Variants in LMLN observed in about 807,000 individuals in gnomAD.
LMLN encodes leishmanolysin-like peptidase.
Under a neutral mutation model 92.3 loss-of-function variants are expected in LMLN, and 70 were observed. The observed-to-expected ratio is 0.76, with a 90% CI of 0.63 to 0.92. The LOEUF is 0.92. Among genes scored for constraint, LMLN ranks in the 40% least tolerant of loss-of-function variants. The pLI, the probability that LMLN is intolerant of heterozygous loss-of-function variation, is 0.00. For synonymous variants in LMLN, 308 were observed against 296.2 expected (o/e 1.04, Z -0.41); for missense variants, 691 against 814.6 (o/e 0.85, Z 1.85).
chr3:197,976,111 G>A, exon 4 of LMLN: 2 of 1,584,248 alleles, frequency 1.3e-6, no homozygotes, highest in Non-Finnish European at 1.7e-6. Context: ...TTACTTAGCA[G>A]GTATGTCACA....
intron 11 of LMLN, among the ~76,000 whole-genome samples, chr3:198,007,360 T>G (rs1200574109): frequency 6.6e-6 from 1 of 152,230 alleles, no homozygotes; most frequent in Non-Finnish European, 1.5e-5. Context: ...TTGTATAAGG[T>G]GGGAGACTTA....
intron 11 of LMLN, among the ~76,000 whole-genome samples, chr3:198,011,959 T>G (rs1722454924): frequency 6.6e-6 from 1 of 152,092 alleles, no homozygotes; most frequent in Admixed American, 6.6e-5. Flanking sequence ...TGGGAGAAAA[T>G]TTTTGCAATC....
intron 6 of LMLN, among the ~76,000 whole-genome samples, chr3:197,981,590 T>G (rs1721558926): frequency 6.6e-6 from 1 of 152,220 alleles, no homozygotes; most frequent in South Asian, 2.1e-4. Context: ...TTCTCTTCAT[T>G]TACAAAAGAT....
At chr3:198,026,657 G>T (rs1253369983) in intron 14 of LMLN, among the ~76,000 whole-genome samples, 1 of 152,110 alleles carries the variant, frequency 6.6e-6, no homozygotes, top group Non-Finnish European at 1.5e-5. Flanking sequence ...TTTGTTCTTT[G>T]TCTACCCCTG....
At chr3:197,991,107 CTTTCTTTT>C (rs1307472291) in intron 9 of LMLN, among the ~76,000 whole-genome samples, 1 of 138,246 alleles carries the variant, frequency 7.2e-6, no homozygotes, top group African/African-American at 3.1e-5. Flanking sequence ...TATTTTCTTT[CTTTCTTTT>C]TTTTTTTTTT....
chr3:197,987,756 A>AT (rs893157215), intron 8 of LMLN, among the ~76,000 whole-genome samples: 2 of 152,062 alleles, frequency 1.3e-5, no homozygotes, highest in Admixed American at 6.6e-5. Flanking sequence ...GCCATGTTAC[A>AT]TTTTTTTTAA....
chr3:198,013,284 C>T (rs1560149848), intron 11 of LMLN, among the ~76,000 whole-genome samples: 9 of 93,286 alleles, frequency 9.6e-5, no homozygotes, highest in South Asian at 3.5e-4. Context: ...CTGTACCCTT[C>T]AGAGCCCCCT....
chr3:198,001,192 A>T (rs755469953), intron 11 of LMLN, among the ~76,000 whole-genome samples: 2 of 152,020 alleles, frequency 1.3e-5, no homozygotes, highest in Non-Finnish European at 2.9e-5. Context: ...CACACTTCAA[A>T]TGTTTTGTTT....
At chr3:197,987,460 A>T (rs375510964) in intron 8 of LMLN, among the ~76,000 whole-genome samples, 1 of 152,196 alleles carries the variant, frequency 6.6e-6, no homozygotes, top group Non-Finnish European at 1.5e-5. Flanking sequence ...CGCCCGGCCA[A>T]AATTTTTACA....
In LMLN at chr3:198,030,661, C is replaced by G. The variant is rs1407777812; in HGVS notation, c.1657-5172C>G. Among the ~76,000 whole-genome samples the G allele has an allele frequency of 2.6e-5, 4 of 152,196 alleles. No individual in the cohort carries two copies. The East Asian group carries it at 7.7e-4, about 29-fold the overall frequency. ...TCTTGGGATCTCGAGTCAGGATCAT[C>G]CTGGAGGTCCCTCTGGTCCCTCTGT... On this transcript the variant is annotated intron_variant, in intron 14 of 15. Coordinates refer to ENST00000330198, the Ensembl canonical transcript of LMLN.
chr3:198,020,882 C>T (rs1482554335), intron 12 of LMLN, among the ~76,000 whole-genome samples: 5 of 146,990 alleles, frequency 3.4e-5, no homozygotes, highest in Admixed American at 7.0e-5. Context: ...CTCAGCCTCC[C>T]AAAGTGCTGG....
chr3:198,016,950 C>T (rs1232303555), intron 11 of LMLN, among the ~76,000 whole-genome samples: 2 of 152,136 alleles, frequency 1.3e-5, no homozygotes, highest in Non-Finnish European at 2.9e-5. Context: ...ATGTTCCTGT[C>T]ATCTTCCCCA....
chr3:198,015,118 G>T (rs144012068), intron 11 of LMLN, among the ~76,000 whole-genome samples: 6,149 of 138,732 alleles, frequency 0.044, 316 homozygotes, highest in African/African-American at 0.076. Context: ...TAACTAGTCT[G>T]ACTTCTCTGT....
chr3:197,988,111 A>C (rs1054277074), intron 8 of LMLN, among the ~76,000 whole-genome samples: 1 of 151,712 alleles, frequency 6.6e-6, no homozygotes, highest in African/African-American at 2.4e-5. Flanking sequence ...TGCTTTTGCC[A>C]TGTATAGAAA....
rs372307316 is a variant in LMLN at position 198,001,673 on chromosome 3, T to A, written c.1232+2331T>A. On this transcript the variant is annotated intron_variant, in intron 11 of 15. Transcript: ENST00000330198. ...TTGGAGCACCGCGACTCCTTCAGTT[T>A]CTGTCTGAGTGAGAGTTTTGTTCGT... is the stretch of plus-strand genomic sequence containing the variant. Among the ~76,000 whole-genome samples, 12 of 152,332 alleles carry A rather than the reference T, an allele frequency of 7.9e-5. No individual in the cohort carries two copies. In the East Asian group the frequency reaches 1.5e-3, roughly 20 times the overall value.
chr3:198,019,488 C>T lies in LMLN; in HGVS notation c.1365+103C>T, dbSNP rs1305732423. ...TCTTAAGATTCTTAATTTATAAGGCCTTGTTTGTTTTCTGTAAGTTAGAAA... is the reference window on the plus strand; with the variant it reads ...TCTTAAGATTCTTAATTTATAAGGCTTTGTTTGTTTTCTGTAAGTTAGAAA... On this transcript the variant is annotated intron_variant, in intron 12 of 15. Coordinates refer to ENST00000330198, the Ensembl canonical transcript of LMLN. This position sits in a 1 kb window ranked among gnomAD's most constrained non-coding sequence, Gnocchi z 5.5. 8.4e-7 allele frequency: 1 copy of T among 1,184,732 alleles called. No individual in the cohort carries two copies. Among genetic ancestry groups the T allele is most frequent in the East Asian group, 2.5e-5 (1 of 39,416 alleles). 73.4% of individuals were successfully genotyped at this position (1,184,732 alleles called of 1,614,324 possible). A position where few individuals can be genotyped will look rare whatever the true frequency, so the allele number is the denominator to read the frequency against.
At chr3:198,032,741 TC>T (rs2109954730) in intron 14 of LMLN, among the ~76,000 whole-genome samples, 1 of 152,138 alleles carries the variant, frequency 6.6e-6, no homozygotes, top group South Asian at 2.1e-4. Flanking sequence ...GAGGGATCCA[TC>T]CCCATGACCC....
intron 14 of LMLN, among the ~76,000 whole-genome samples, chr3:198,030,001 C>T (rs766234324): frequency 4.0e-5 from 6 of 151,884 alleles, no homozygotes; most frequent in Non-Finnish European, 8.8e-5. Flanking sequence ...CGCCACCATG[C>T]CTAGCTGTTT....
chr3:197,965,007 CAA>C (rs954254964), intron 1 of LMLN, among the ~76,000 whole-genome samples: 35 of 90,984 alleles, frequency 3.8e-4, no homozygotes, highest in Middle Eastern at 6.3e-3. Flanking sequence ...AACTCTGTCT[CAA>C]AAAAAAAAAA....
Sources: gnomAD v4.1 joint callset for allele counts (sites outside exome capture counted in the v4.1 genomes callset) on GRCh38, gnomAD v4.1.1 for gene constraint, Gnocchi (gnomAD v3.1) non-coding constraint, MANE v1.5 for transcripts, NCBI Gene and HGNC (gene_info 2026-07-23, HGNC 2026-07-21) for gene names.